Variants in MGAT4C observed in about 807,000 individuals in gnomAD.
MGAT4C encodes the protein MGAT4 family member C, also known as alpha-1,3-mannosyl-glycoprotein 4-beta-N-acetylglucosaminyltransferase C.
Under a neutral mutation model 40.1 loss-of-function variants are expected in MGAT4C, and 19 were observed. The observed-to-expected ratio is 0.47, with a 90% CI of 0.33 to 0.70. MGAT4C has a LOEUF of 0.70. Ranked by LOEUF, MGAT4C falls within the 30% of genes least tolerant of loss-of-function variation. The pLI is 0.02. For synonymous variants in MGAT4C, 181 were observed against 187.1 expected (o/e 0.97, Z 0.27); for missense variants, 491 against 563.2 (o/e 0.87, Z 1.30).
chr12:86,830,243 C>A (rs773472611), intron 1 of MGAT4C, among the ~76,000 whole-genome samples: 7 of 151,542 alleles, frequency 4.6e-5, no homozygotes, highest in Non-Finnish European at 7.4e-5. Flanking sequence ...CCATCCATCT[C>A]TCTCTGTGGT....
At position 86,080,374 on chromosome 12, in the gene MGAT4C, T is replaced by C. The variant is rs111850396; in HGVS notation, c.-56-30651A>G. 4.9e-3 allele frequency among the ~76,000 whole-genome samples: 747 copies of C among 152,334 alleles called. 8 individuals are homozygous for C. Among genetic ancestry groups the C allele is most frequent in the African/African-American group, 0.017 (715 of 41,570 alleles). ...TTTTATCACACACTTTTTTAATGTT[T>C]TCTTTATATTTTTAGCTTTTCTATT... On this transcript the variant is annotated intron_variant, in intron 1 of 4. Coordinates refer to ENST00000611864, the MANE Select transcript of MGAT4C (RefSeq NM_001351288.2).
intron 2 of MGAT4C, among the ~76,000 whole-genome samples, chr12:86,695,747 A>C (rs1053275029): frequency 2.6e-5 from 4 of 152,050 alleles, no homozygotes; most frequent in Admixed American, 2.0e-4. Context: ...CGACACAGAG[A>C]GTAGAATGAT....
chr12:86,756,061 A>G lies in MGAT4C; in HGVS notation c.-261-28820T>C, dbSNP rs138615157. On this transcript the variant is annotated intron_variant, in intron 1 of 7. Transcript: ENST00000548651. ...TTTATTTCATCTTATCTGAAAATAC[A>G]TGTATTAGTCAGTTTGGGTTGCCAT... Among the ~76,000 whole-genome samples the G allele has an allele frequency of 3.2e-3, 486 of 152,212 alleles. 1 individual carries two copies. Among genetic ancestry groups the G allele is most frequent in the African/African-American group, 0.011 (465 of 41,546 alleles).
chr12:86,410,730 A>G (rs1956587167), intron 3 of MGAT4C, among the ~76,000 whole-genome samples: 1 of 152,216 alleles, frequency 6.6e-6, no homozygotes, highest in Admixed American at 6.5e-5. Flanking sequence ...GAACTGATAA[A>G]TGTCCAGGAA....
At chr12:86,019,009 C>A (rs964613342) in intron 2 of MGAT4C, among the ~76,000 whole-genome samples, 1 of 151,946 alleles carries the variant, frequency 6.6e-6, no homozygotes, top group African/African-American at 2.4e-5. Context: ...CAGTATCATT[C>A]TCTTAAATAT....
rs1391253304 is a variant in MGAT4C, at chr12:86,019,743, T to C, written c.-7+29931A>G. Among the ~76,000 whole-genome samples, 3 of 152,140 alleles carry C rather than the reference T, an allele frequency of 2.0e-5. No individual in the cohort carries two copies. In the East Asian group the frequency reaches 5.8e-4, roughly 29 times the overall value. On this transcript the variant is annotated intron_variant, in intron 2 of 4. Transcript: ENST00000611864. ...TTCTGTGAAGAAAGTCATTAGTAGC[T>C]TGATGGGGATGGCATTGAATCTATA...
At chr12:86,629,480 C>T in intron 2 of MGAT4C, among the ~76,000 whole-genome samples, 1 of 152,092 alleles carries the variant, frequency 6.6e-6, no homozygotes, top group East Asian at 1.9e-4. Flanking sequence ...GCACTTATTC[C>T]AAAATTGACC....
At chr12:86,445,567 T>C (rs73189379) in intron 2 of MGAT4C, among the ~76,000 whole-genome samples, 15,011 of 152,206 alleles carry the variant, frequency 0.099, 1,000 homozygotes, top group Middle Eastern at 0.25. Context: ...AGTATATGCA[T>C]ATAGCATCAA....
At chr12:86,296,944 G>A (rs965851937) in intron 4 of MGAT4C, among the ~76,000 whole-genome samples, 1 of 152,236 alleles carries the variant, frequency 6.6e-6, no homozygotes, top group Non-Finnish European at 1.5e-5. Flanking sequence ...CTGCCAGCAC[G>A]CTGTCACCTC....
intron 2 of MGAT4C, among the ~76,000 whole-genome samples, chr12:86,481,206 T>G (rs2136313301): frequency 6.6e-6 from 1 of 152,164 alleles, no homozygotes; most frequent in South Asian, 2.1e-4. Flanking sequence ...CTTTTTAAAA[T>G]TTTCTTGGTA....
intron 2 of MGAT4C, among the ~76,000 whole-genome samples, chr12:86,699,103 G>A (rs1241483026): frequency 6.6e-6 from 1 of 152,060 alleles, no homozygotes; most frequent in Non-Finnish European, 1.5e-5. Context: ...GGAATTCTAT[G>A]TCTTCTTATT....
intron 1 of MGAT4C, among the ~76,000 whole-genome samples, chr12:86,815,942 A>G (rs1417076423): frequency 2.0e-5 from 3 of 151,920 alleles, no homozygotes; most frequent in African/African-American, 7.2e-5. Context: ...ACAAATCACC[A>G]CTAAAGAACT....
intron 2 of MGAT4C, among the ~76,000 whole-genome samples, chr12:86,029,521 C>T (rs1475949409): frequency 2.0e-5 from 3 of 151,958 alleles, no homozygotes; most frequent in African/African-American, 7.2e-5. Flanking sequence ...CAGCTTCTTT[C>T]CTTAGTCACA....
rs140361229 is a variant in MGAT4C at position 86,267,728 on chromosome 12, A to G, written c.-57+66337T>C. On this transcript the variant is annotated intron_variant, in intron 4 of 7. Transcript: ENST00000548651. ...GTAAGTAGGCCTAGACTGGAACACC[A>G]TTGAATAAATGCAGAGCAAAGATGA... 5.5e-3 allele frequency among the ~76,000 whole-genome samples: 839 copies of G among 152,294 alleles called. 5 individuals are homozygous for G. Among genetic ancestry groups the G allele is most frequent in the Middle Eastern group, 0.014 (4 of 294 alleles).
chr12:85,994,284 T>G (rs1338684218), intron 2 of MGAT4C, among the ~76,000 whole-genome samples: 1 of 152,208 alleles, frequency 6.6e-6, no homozygotes, highest in Non-Finnish European at 1.5e-5. Flanking sequence ...ATTGTAATCC[T>G]CTCAAATCCA....
At chr12:86,510,477 T>G (rs1421368249) in intron 2 of MGAT4C, among the ~76,000 whole-genome samples, 2 of 152,106 alleles carry the variant, frequency 1.3e-5, no homozygotes. Flanking sequence ...CAGGATCAAA[T>G]TCACACATAA....
intron 3 of MGAT4C, among the ~76,000 whole-genome samples, chr12:86,363,984 AC>A (rs1369870123): frequency 3.3e-5 from 5 of 151,864 alleles, no homozygotes; most frequent in African/African-American, 1.2e-4. Flanking sequence ...ACACACACAC[AC>A]ACACACAGAG....
chr12:86,510,407 C>T (rs931845847), intron 2 of MGAT4C, among the ~76,000 whole-genome samples: 15 of 152,108 alleles, frequency 9.9e-5, no homozygotes, highest in Non-Finnish European at 1.0e-4. Flanking sequence ...TAAAGACCAT[C>T]GAGGCTAGGA....
intron 2 of MGAT4C, chr12:86,601,340 T>C (rs1479913531): frequency 2.0e-5 from 3 of 152,186 alleles, no homozygotes; most frequent in Non-Finnish European, 4.4e-5. Flanking sequence ...ATGGTGTTTT[T>C]TTCAAGCCCT....
Sources: allele counts gnomAD v4.1 joint callset (sites outside exome capture counted in the v4.1 genomes callset), GRCh38; gene constraint gnomAD v4.1.1; transcripts MANE v1.5; gene names NCBI Gene and HGNC (gene_info 2026-07-23, HGNC 2026-07-21).